ADGRL2: variants seen among roughly 807,000 people sequenced by gnomAD.
The protein encoded by ADGRL2 is calcium-independent alpha-latrotoxin receptor 2.
In ADGRL2, 44 loss-of-function variants were observed where a neutral mutation model predicts 157.4. That is an observed-to-expected ratio of 0.28 (90% CI 0.22 to 0.36). The LOEUF (loss-of-function observed/expected upper bound fraction) is 0.36. Ranked by LOEUF, ADGRL2 falls within the 10% of genes least tolerant of loss-of-function variation. The pLI is 1.00. For synonymous variants in ADGRL2, 585 were observed against 624.7 expected (o/e 0.94, Z 0.95); for missense variants, 1,510 against 1,768.9 (o/e 0.85, Z 2.63).
intron 1 of ADGRL2, among the ~76,000 whole-genome samples, chr1:81,702,852 A>T (rs903633871): frequency 6.6e-6 from 1 of 152,242 alleles, no homozygotes; most frequent in African/African-American, 2.4e-5. Flanking sequence ...TTCACAGATG[A>T]TGCAAGTAAT....
At chr1:81,661,095 C>T (rs1345601045) in intron 3 of ADGRL2, among the ~76,000 whole-genome samples, 1 of 152,182 alleles carries the variant, frequency 6.6e-6, no homozygotes, top group African/African-American at 2.4e-5. Flanking sequence ...TTTACACCAG[C>T]TCCTCTTTTA....
At chr1:81,710,626 T>TA (rs373944276) in intron 1 of ADGRL2, among the ~76,000 whole-genome samples, 9,716 of 132,310 alleles carry the variant, frequency 0.073, 392 homozygotes, top group Middle Eastern at 0.17. Flanking sequence ...CTCAAAAAAT[T>TA]AAAAAAAAAA....
chr1:81,784,725 C>T, intron 2 of ADGRL2, among the ~76,000 whole-genome samples: 1 of 64,202 alleles, frequency 1.6e-5, no homozygotes, highest in Non-Finnish European at 2.9e-5. Context: ...GAGACCCCGT[C>T]TCAAAAAAAA....
intron 2 of ADGRL2, among the ~76,000 whole-genome samples, chr1:81,893,194 C>A (rs1325004794): frequency 6.6e-6 from 1 of 152,138 alleles, no homozygotes; most frequent in Non-Finnish European, 1.5e-5. Context: ...AGTCATGATG[C>A]TGCACAGATT....
intron 1 of ADGRL2, among the ~76,000 whole-genome samples, chr1:81,383,953 C>CAAAAA (rs577073531): frequency 1.2e-5 from 1 of 83,720 alleles, no homozygotes. Flanking sequence ...GACTCTGTCT[C>CAAAAA]AAAAAAAAAA....
At chr1:81,837,759 A>G (rs1295619714) in intron 2 of ADGRL2, among the ~76,000 whole-genome samples, 1 of 152,002 alleles carries the variant, frequency 6.6e-6, no homozygotes, top group Non-Finnish European at 1.5e-5. Context: ...TATTAACTAT[A>G]TAGATTTCTG....
intron 1 of ADGRL2, among the ~76,000 whole-genome samples, chr1:81,812,836 A>G (rs2090009151): frequency 6.6e-6 from 1 of 151,776 alleles, no homozygotes; most frequent in Non-Finnish European, 1.5e-5. Flanking sequence ...GGGAACTACT[A>G]ATAAGGACCT....
At chr1:81,860,955 A>G (rs979729782) in intron 2 of ADGRL2, among the ~76,000 whole-genome samples, 1 of 147,212 alleles carries the variant, frequency 6.8e-6, no homozygotes, top group Non-Finnish European at 1.5e-5. Flanking sequence ...ACTTTGGCCT[A>G]TTTTGATAAT....
intron 1 of ADGRL2, among the ~76,000 whole-genome samples, chr1:81,752,439 T>C (rs2085520098): frequency 6.6e-6 from 1 of 152,214 alleles, no homozygotes; most frequent in Non-Finnish European, 1.5e-5. Context: ...ATTATAATAA[T>C]GAAAGAAAAA....
At chr1:81,928,026 T>C (rs996377506) in intron 3 of ADGRL2, among the ~76,000 whole-genome samples, 4 of 152,088 alleles carry the variant, frequency 2.6e-5, no homozygotes, top group Non-Finnish European at 5.9e-5. Context: ...GCATAATTCT[T>C]TGTATTCCCT....
intron 2 of ADGRL2, among the ~76,000 whole-genome samples, chr1:81,776,518 A>G (rs9728563): frequency 0.13 from 19,303 of 152,234 alleles, 1,827 homozygotes; most frequent in East Asian, 0.54. Context: ...AAATAGGCAT[A>G]GTAAAGAGGA....
rs2078902361 is a variant in ADGRL2, at chr1:81,503,565, G to C, written c.-248+58476G>C. 4.3e-6 allele frequency: 6 copies of C among 1,407,324 alleles called. No homozygotes were observed. In the East Asian group the frequency reaches 9.2e-5, roughly 21 times the overall value. The allele number at this position is 1,407,324 out of a possible 1,614,324, so 87.2% of individuals were successfully genotyped here. ...CTCATCTCACGGAGCCCACGTCGAC[G>C]AGCACCATTTGGCCAGACATTGAGA... On this transcript the variant is annotated intron_variant, in intron 2 of 24. Coordinates refer to the ADGRL2 transcript ENST00000370721.
intron 3 of ADGRL2, among the ~76,000 whole-genome samples, chr1:81,666,459 G>A (rs1255406205): frequency 6.6e-6 from 1 of 152,078 alleles, no homozygotes; most frequent in East Asian, 1.9e-4. Context: ...AACTGCTGAA[G>A]GACATCATTA....
At chr1:81,770,804 C>G (rs372435050) in intron 2 of ADGRL2, among the ~76,000 whole-genome samples, 1 of 151,990 alleles carries the variant, frequency 6.6e-6, no homozygotes, top group Non-Finnish European at 1.5e-5. Flanking sequence ...ATTTATTCCC[C>G]CATAAATTTG....
chr1:81,661,907 A>G (rs921338886), intron 3 of ADGRL2, among the ~76,000 whole-genome samples: 4 of 152,164 alleles, frequency 2.6e-5, no homozygotes, highest in Non-Finnish European at 5.9e-5. Context: ...CAGTCTGTAT[A>G]CCATTTTGAA....
At chr1:81,321,558 T>C (rs541109811) in intron 1 of ADGRL2, among the ~76,000 whole-genome samples, 2 of 152,180 alleles carry the variant, frequency 1.3e-5, no homozygotes, top group South Asian at 4.2e-4. Flanking sequence ...ACTTAGAAAA[T>C]AAGGAGGCCT....
At chr1:81,791,774 C>T (rs978329169) in intron 2 of ADGRL2, among the ~76,000 whole-genome samples, 2 of 152,082 alleles carry the variant, frequency 1.3e-5, no homozygotes, top group Non-Finnish European at 2.9e-5. Context: ...TATTCTATAA[C>T]CTCACCAAAG....
chr1:81,424,784 C>T (rs534196153), intron 1 of ADGRL2, among the ~76,000 whole-genome samples: 35 of 152,264 alleles, frequency 2.3e-4, no homozygotes, highest in Non-Finnish European at 4.0e-4. Context: ...GCCCAGTTAC[C>T]TTCCAACTTT....
chr1:81,551,159 A>G (rs1378196376), intron 2 of ADGRL2, among the ~76,000 whole-genome samples: 2 of 152,210 alleles, frequency 1.3e-5, no homozygotes, highest in African/African-American at 4.8e-5. Flanking sequence ...TAAATCCTCA[A>G]TAGGTGGAAA....
Sources: allele counts gnomAD v4.1 joint callset (sites outside exome capture counted in the v4.1 genomes callset), GRCh38; gene constraint gnomAD v4.1.1; transcripts MANE v1.5; gene names NCBI Gene and HGNC (gene_info 2026-07-23, HGNC 2026-07-21).